CLYBL: variants seen among roughly 807,000 people sequenced by gnomAD.
CLYBL encodes citramalyl-CoA lyase, mitochondrial.
In CLYBL, 31 loss-of-function variants were observed where a neutral mutation model predicts 38.9. The ratio of observed to expected loss-of-function variants is 0.80; its 90% CI spans 0.60 to 1.08. CLYBL has a LOEUF of 1.08. CLYBL is among the 50% of genes least tolerant of loss of function. The pLI, the probability that CLYBL is intolerant of heterozygous loss-of-function variation, is 0.00. For synonymous variants in CLYBL, 171 were observed against 158.6 expected (o/e 1.08, Z -0.59); for missense variants, 434 against 411.6 (o/e 1.05, Z -0.47).
chr13:99,615,252 A>G (rs1165020392), intron 1 of CLYBL, among the ~76,000 whole-genome samples: 1 of 152,222 alleles, frequency 6.6e-6, no homozygotes, highest in Non-Finnish European at 1.5e-5. Flanking sequence ...CTTTGGTCAC[A>G]CAGTTTCCTA....
chr13:99,873,097 G>A (rs914921987), intron 7 of CLYBL, among the ~76,000 whole-genome samples: 1 of 152,150 alleles, frequency 6.6e-6, no homozygotes, highest in African/African-American at 2.4e-5. Context: ...ATTTGTGGAG[G>A]TTTGTTTCCT....
At chr13:99,770,825 G>T (rs989853239) in intron 1 of CLYBL, among the ~76,000 whole-genome samples, 5 of 150,220 alleles carry the variant, frequency 3.3e-5, no homozygotes, top group Non-Finnish European at 7.4e-5. Flanking sequence ...GGGTTCAAGC[G>T]ATTCTCCTGC....
At chr13:99,746,028 C>A (rs77142644) in intron 1 of CLYBL, among the ~76,000 whole-genome samples, 7 of 135,816 alleles carry the variant, frequency 5.2e-5, no homozygotes, top group South Asian at 2.2e-4. Flanking sequence ...TGACAGTTAC[C>A]AAAAAAAAAA....
intron 1 of CLYBL, among the ~76,000 whole-genome samples, chr13:99,620,650 A>G (rs1036956858): frequency 1.3e-5 from 2 of 151,882 alleles, no homozygotes; most frequent in African/African-American, 4.8e-5. Context: ...GTGGTCACAC[A>G]CCTCTAATCT....
At chr13:99,667,433 C>CTTTT (rs369360327) in intron 1 of CLYBL, among the ~76,000 whole-genome samples, 4 of 127,814 alleles carry the variant, frequency 3.1e-5, no homozygotes, top group African/African-American at 5.9e-5. Flanking sequence ...AAGAATCTTG[C>CTTTT]TTTTTTTTTT....
chr13:99,819,442 ATATATATATATATATATATAT>A lies in CLYBL; in HGVS notation c.250-39418_250-39398del, dbSNP rs1566340146. Among the ~76,000 whole-genome samples, 167 of 87,730 alleles carry A rather than the reference ATATATATATATATATATATAT, an allele frequency of 1.9e-3. 6 individuals carry two copies. Among genetic ancestry groups the A allele is most frequent in the East Asian group, 4.2e-3 (9 of 2,120 alleles). The allele number at this position is 87,730 out of a possible 152,430, so 57.6% of individuals were successfully genotyped here. A position where few individuals can be genotyped will look rare whatever the true frequency, so the allele number is the denominator to read the frequency against. On this transcript the variant is annotated intron_variant, in intron 2 of 8. Transcript: ENST00000339105. Reference sequence around the variant, plus strand: ...TATATATATATATATATATATATATATATATATATATATATATATATATATAATATTTGTCAGGGTTGTCTG... The same window carrying A: ...TATATATATATATATATATATATATAATATAATATTTGTCAGGGTTGTCTG...
intron 1 of CLYBL, among the ~76,000 whole-genome samples, chr13:99,625,034 G>A (rs1182863716): frequency 6.6e-6 from 1 of 152,182 alleles, no homozygotes; most frequent in Non-Finnish European, 1.5e-5. Context: ...CATAGGCTCA[G>A]TTCTGTTCCC....
At chr13:99,662,974 G>T (rs2047431131) in intron 1 of CLYBL, among the ~76,000 whole-genome samples, 1 of 152,152 alleles carries the variant, frequency 6.6e-6, no homozygotes, top group South Asian at 2.1e-4. Flanking sequence ...CAGGCTAGAT[G>T]CAGGACACTA....
chr13:99,821,918 G>A lies in CLYBL; in HGVS notation c.250-36943G>A, dbSNP rs11840934. On this transcript the variant is annotated intron_variant, in intron 2 of 8. Coordinates refer to ENST00000339105, the MANE Select transcript of CLYBL (RefSeq NM_206808.5). ...ACACCCTCCTGTAGTCCCCTCCCAC[G>A]CTGATTCTGGACTAGGCCACATGGC... Among the ~76,000 whole-genome samples, 471 of 152,222 alleles carry A rather than the reference G, an allele frequency of 3.1e-3. 1 individual carries two copies. Among genetic ancestry groups the A allele is most frequent in the African/African-American group, 0.011 (446 of 41,532 alleles).
chr13:99,871,531 G>C (rs1370377517), intron 7 of CLYBL, among the ~76,000 whole-genome samples: 2 of 152,158 alleles, frequency 1.3e-5, no homozygotes, highest in Non-Finnish European at 2.9e-5. Context: ...AGAGTGGGAG[G>C]TTGTATATGT....
At chr13:99,619,668 A>G (rs1281073689) in intron 1 of CLYBL, among the ~76,000 whole-genome samples, 2 of 152,198 alleles carry the variant, frequency 1.3e-5, no homozygotes, top group Admixed American at 6.5e-5. Context: ...CTGGGGTTCA[A>G]GTCCAATGCT....
chr13:99,846,665 G>A (rs1396105536), intron 2 of CLYBL, among the ~76,000 whole-genome samples: 2 of 152,218 alleles, frequency 1.3e-5, no homozygotes, highest in Non-Finnish European at 2.9e-5. Flanking sequence ...GGCTTCTGCC[G>A]CTGGCTGAAA....
chr13:99,744,071 C>T (rs1173899379), intron 1 of CLYBL, among the ~76,000 whole-genome samples: 1 of 146,260 alleles, frequency 6.8e-6, no homozygotes, highest in African/African-American at 2.5e-5. Context: ...CTCCCGGGTT[C>T]ACAGCATTCT....
chr13:99,718,230 C>T (rs2048346635), intron 1 of CLYBL, among the ~76,000 whole-genome samples: 1 of 151,992 alleles, frequency 6.6e-6, no homozygotes. Flanking sequence ...AAGTAGGGGT[C>T]ACTTAGGGAG....
chr13:99,847,041 T>TA (rs764500812), intron 2 of CLYBL, among the ~76,000 whole-genome samples: 17 of 152,178 alleles, frequency 1.1e-4, no homozygotes, highest in Non-Finnish European at 2.5e-4. Context: ...CGGCTTCCAG[T>TA]AATGTGTATC....
chr13:99,799,927 TG>T (rs1004236275), intron 2 of CLYBL, among the ~76,000 whole-genome samples: 6 of 152,204 alleles, frequency 3.9e-5, no homozygotes, highest in Non-Finnish European at 8.8e-5. Flanking sequence ...GTGTGGTGTG[TG>T]AGGAAGCTGA....
chr13:99,860,165 A>T (rs1386682008), intron 3 of CLYBL, among the ~76,000 whole-genome samples: 1 of 152,072 alleles, frequency 6.6e-6, no homozygotes, highest in Non-Finnish European at 1.5e-5. Context: ...GATTTTGAAG[A>T]CTCGGGACTC....
At chr13:99,760,221 C>G (rs879692127) in intron 1 of CLYBL, among the ~76,000 whole-genome samples, 2 of 152,162 alleles carry the variant, frequency 1.3e-5, no homozygotes, top group East Asian at 1.9e-4. Context: ...TCTTAGCCTA[C>G]TAGCTAAAAG....
intron 1 of CLYBL, among the ~76,000 whole-genome samples, chr13:99,617,968 C>T (rs564553333): frequency 5.3e-5 from 8 of 152,334 alleles, no homozygotes; most frequent in African/African-American, 1.9e-4. Context: ...CTGCACTACC[C>T]TGTCCCCTTA....
Sources: allele counts gnomAD v4.1 joint callset (sites outside exome capture counted in the v4.1 genomes callset), GRCh38; gene constraint gnomAD v4.1.1; transcripts MANE v1.5; gene names NCBI Gene and HGNC (gene_info 2026-07-23, HGNC 2026-07-21).